The following CACNA1E variants were observed in gnomAD, a reference collection of about 807,000 sequenced individuals.
CACNA1E encodes the protein voltage-dependent R-type calcium channel subunit alpha-1E.
In CACNA1E, 40 loss-of-function variants were observed where a neutral mutation model predicts 259.2. The ratio of observed to expected loss-of-function variants is 0.15; its 90% CI spans 0.12 to 0.20. The LOEUF (loss-of-function observed/expected upper bound fraction) is 0.20, where lower values mean the gene tolerates loss of function less well. Ranked by LOEUF, CACNA1E falls within the 10% of genes least tolerant of loss-of-function variation. The probability of loss-of-function intolerance (pLI) is 1.00; values close to 1 mark genes in which losing one functional copy is unlikely to be tolerated. For missense variants in CACNA1E, 1,874 were observed against 3,040.1 expected (o/e 0.62, Z 9.02); for synonymous variants, 1,104 against 1,138.5 (o/e 0.97, Z 0.61).
intron 2 of CACNA1E, among the ~76,000 whole-genome samples, chr1:181,429,262 C>T (rs1435828521): frequency 2.0e-5 from 3 of 152,182 alleles, no homozygotes; most frequent in African/African-American, 7.2e-5. Context: ...CTCTTCACCT[C>T]TCTGGGCCCT....
chr1:181,508,147 T>TTGTGTGTGTGTA (rs1553265257), intron 1 of CACNA1E, among the ~76,000 whole-genome samples: 1 of 148,852 alleles, frequency 6.7e-6, no homozygotes, highest in Admixed American at 6.7e-5. Context: ...CCCAAACGCC[T>TTGTGTGTGTGTA]TGTGTGTGTG....
rs1663712522 is a variant in CACNA1E at position 181,485,350 on chromosome 1, C to G, written c.266+1340C>G. ...CCCAACCCCAGTCTCTGGCCTTCCC[C>G]TTCTTCTCTAGTTCCCTGCCTCAGC... is the stretch of plus-strand genomic sequence containing the variant. On this transcript the variant is annotated intron_variant, in intron 1 of 47. Transcript: ENST00000367573. This position sits in a 1 kb window ranked among gnomAD's most constrained non-coding sequence, Gnocchi z 4.2. Among the ~76,000 whole-genome samples the G allele has an allele frequency of 6.6e-6, 1 of 151,920 alleles. No homozygotes were observed.
rs569166093 is a variant in CACNA1E at position 181,365,592 on chromosome 1, G to C, written c.-15+47469G>C. Among the ~76,000 whole-genome samples the C allele has an allele frequency of 2.6e-5, 4 of 152,356 alleles. No homozygotes were observed. The East Asian group carries it at 7.7e-4, about 29-fold the overall frequency. On this transcript the variant is annotated intron_variant, in intron 1 of 11. Coordinates refer to the CACNA1E transcript ENST00000524607. Reference sequence around the variant, plus strand: ...GTTGTTCTACTGAAAAAGTAGCAAGGGGAGGCCTGGGCCGGGGTGGTCAGT... The same window carrying C: ...GTTGTTCTACTGAAAAAGTAGCAAGCGGAGGCCTGGGCCGGGGTGGTCAGT...
At chr1:181,667,943 A>T (rs923570250) in intron 7 of CACNA1E, among the ~76,000 whole-genome samples, 1 of 152,038 alleles carries the variant, frequency 6.6e-6, no homozygotes, top group Non-Finnish European at 1.5e-5. Flanking sequence ...AGTTTCCCCC[A>T]GTGGTAACAT....
intron 2 of CACNA1E, among the ~76,000 whole-genome samples, chr1:181,447,358 T>G (rs1006365887): frequency 7.4e-5 from 11 of 149,198 alleles, no homozygotes; most frequent in Non-Finnish European, 1.0e-4. Flanking sequence ...AGACCTCATC[T>G]CTAAAAAAAA....
chr1:181,759,273 A>G (rs1246963277), intron 32 of CACNA1E, among the ~76,000 whole-genome samples: 2 of 152,238 alleles, frequency 1.3e-5, no homozygotes, highest in African/African-American at 4.8e-5. Context: ...CAAACATAGC[A>G]AATAATAGAT....
chr1:181,473,371 C>A (rs535789225), intron 2 of CACNA1E, among the ~76,000 whole-genome samples: 2 of 152,078 alleles, frequency 1.3e-5, no homozygotes, highest in Non-Finnish European at 2.9e-5. Flanking sequence ...AATAGCATAC[C>A]CTTTGAATTT....
At chr1:181,658,331 A>C (rs1659374286) in intron 7 of CACNA1E, among the ~76,000 whole-genome samples, 1 of 152,212 alleles carries the variant, frequency 6.6e-6, no homozygotes, top group Admixed American at 6.5e-5. Flanking sequence ...ACAGTTGTAC[A>C]TTGGAAGAGG....
At chr1:181,789,368 G>A (rs1244625834) in intron 43 of CACNA1E, among the ~76,000 whole-genome samples, 3 of 152,142 alleles carry the variant, frequency 2.0e-5, no homozygotes, top group Non-Finnish European at 2.9e-5. Context: ...ATCTTCTCCT[G>A]TAATCTAAAA....
At chr1:181,469,379 T>C (rs1257113980) in intron 2 of CACNA1E, among the ~76,000 whole-genome samples, 1 of 152,054 alleles carries the variant, frequency 6.6e-6, no homozygotes, top group African/African-American at 2.4e-5. Flanking sequence ...GTGCCCGAGT[T>C]AGGGGGAGAC....
At chr1:181,697,988 C>T (rs1469678546) in intron 7 of CACNA1E, among the ~76,000 whole-genome samples, 1 of 152,170 alleles carries the variant, frequency 6.6e-6, no homozygotes. Flanking sequence ...CACCCTCGTG[C>T]ATGTCTCTGA....
intron 6 of CACNA1E, among the ~76,000 whole-genome samples, chr1:181,588,800 C>A (rs1393248312): frequency 6.6e-6 from 1 of 152,228 alleles, no homozygotes; most frequent in Non-Finnish European, 1.5e-5. Context: ...TATGATCTTC[C>A]TGTTCTCAGG....
chr1:181,409,148 T>C (rs1339202585), intron 1 of CACNA1E, among the ~76,000 whole-genome samples: 1 of 152,234 alleles, frequency 6.6e-6, no homozygotes, highest in Non-Finnish European at 1.5e-5. Context: ...GCTGCTTTCA[T>C]GCTACAACAG....
intron 4 of CACNA1E, 46 bp downstream of exon 4, chr1:181,577,915 G>C (rs1246730535): frequency 1.6e-6 from 2 of 1,276,300 alleles, no homozygotes; most frequent in African/African-American, 1.5e-5. Flanking sequence ...CTTTCTTCAT[G>C]TGTCCTCAGC....
chr1:181,509,805 GTC>G (rs751510975), intron 1 of CACNA1E, among the ~76,000 whole-genome samples: 1 of 152,214 alleles, frequency 6.6e-6, no homozygotes, highest in African/African-American at 2.4e-5. Context: ...CTCGTGATCA[GTC>G]TCTGTTTCAT....
intron 1 of CACNA1E, among the ~76,000 whole-genome samples, chr1:181,368,324 C>T (rs1654435776): frequency 1.3e-5 from 2 of 151,216 alleles, no homozygotes; most frequent in Non-Finnish European, 2.9e-5. Flanking sequence ...ACCAGAATAC[C>T]CAGAAAGAAG....
intron 25 of CACNA1E, among the ~76,000 whole-genome samples, chr1:181,743,972 C>T (rs1656827551): frequency 6.6e-6 from 1 of 152,240 alleles, no homozygotes; most frequent in African/African-American, 2.4e-5. Context: ...CCAAAGCTTC[C>T]CATTGCCATT....
At chr1:181,358,806 G>A (rs892157611) in intron 1 of CACNA1E, among the ~76,000 whole-genome samples, 10 of 152,132 alleles carry the variant, frequency 6.6e-5, no homozygotes, top group Admixed American at 1.3e-4. Flanking sequence ...TAATGTCCCC[G>A]TAACATTTTC....
intron 6 of CACNA1E, among the ~76,000 whole-genome samples, chr1:181,627,821 T>C (rs1445090680): frequency 1.3e-5 from 2 of 152,240 alleles, no homozygotes; most frequent in African/African-American, 4.8e-5. Context: ...TTTAGTGTCA[T>C]GTCTTTTCCA....
Sources: allele counts gnomAD v4.1 joint callset (sites outside exome capture counted in the v4.1 genomes callset), GRCh38; gene constraint gnomAD v4.1.1; non-coding constraint Gnocchi (gnomAD v3.1); transcripts MANE v1.5; gene names NCBI Gene and HGNC (gene_info 2026-07-23, HGNC 2026-07-21).